Variants in ZNF177 observed in about 807,000 individuals in gnomAD.
ZNF177 encodes the protein zinc finger protein 177.
In ZNF177, 17 loss-of-function variants were observed where a neutral mutation model predicts 19.4. That is an observed-to-expected ratio of 0.87 (90% CI 0.60 to 1.31). The LOEUF (loss-of-function observed/expected upper bound fraction) is 1.31. Ranked by LOEUF, ZNF177 falls within the 40% of genes most tolerant of loss-of-function variation. The pLI, the probability that ZNF177 is intolerant of heterozygous loss-of-function variation, is 0.00. For missense variants in ZNF177, 633 were observed against 561.8 expected, an observed-to-expected ratio of 1.13 and a Z score of -1.28; for synonymous variants, 220 against 188.7, an observed-to-expected ratio of 1.17 and a Z score of -1.36.
chr19:9,372,540 C>CTTTTTTTTTTTTT (rs61321271), upstream of ZNF177, among the ~76,000 whole-genome samples: 3 of 84,578 alleles, frequency 3.5e-5, no homozygotes, highest in Admixed American at 1.5e-4. Context: ...CTTTCTTTTC[C>CTTTTTTTTTTTTT]TTTTTTTTTT....
exon 5 of ZNF177, chr19:9,380,073 T>C: frequency 6.2e-7 from 1 of 1,611,694 alleles, no homozygotes; most frequent in East Asian, 2.2e-5. Context: ...AAACTCAACT[T>C]AAACCAAAAG....
intron 3 of ZNF177, chr19:9,379,302 T>C: frequency 9.3e-7 from 1 of 1,075,364 alleles, no homozygotes; most frequent in Non-Finnish European, 1.3e-6. Flanking sequence ...GCAATCTGTG[T>C]CTCATCTTGT....
upstream of ZNF177, among the ~76,000 whole-genome samples, chr19:9,374,838 T>G (rs536389163): frequency 3.1e-4 from 47 of 152,278 alleles, no homozygotes; most frequent in African/African-American, 1.1e-3. Flanking sequence ...AGACGCCTTT[T>G]GTTTTCTTGC....
exon 6 of ZNF177, chr19:9,380,693 C>T: frequency 6.5e-7 from 1 of 1,535,858 alleles, no homozygotes. Context: ...GGTGAGCACT[C>T]CCTGGAGTGT....
chr19:9,369,342 G>A (rs2068019079), intron 2 of ZNF177, among the ~76,000 whole-genome samples: 1 of 151,834 alleles, frequency 6.6e-6, no homozygotes, highest in Non-Finnish European at 1.5e-5. Context: ...CTTCCTAATT[G>A]GTACTTTACA....
chr19:9,367,332 A>G (rs781704034), intron 2 of ZNF177, among the ~76,000 whole-genome samples: 61 of 152,204 alleles, frequency 4.0e-4, no homozygotes, highest in Non-Finnish European at 6.8e-4. Context: ...ATAAAAATAA[A>G]AATAAATAAG....
chr19:9,377,354 T>C (rs372415526), intron 1 of ZNF177, among the ~76,000 whole-genome samples: 1 of 152,174 alleles, frequency 6.6e-6, no homozygotes, highest in Admixed American at 6.5e-5. Context: ...TATTTTAGAA[T>C]GTATTCCTTC....
Position 9,379,392 on chromosome 19 carries a change from ATTG to A in ZNF177, c.161-132_161-130del, listed in dbSNP as rs1279302173. 8 of 1,279,832 alleles carry A rather than the reference ATTG, an allele frequency of 6.3e-6. No individual in the cohort carries two copies. In the African/African-American group the frequency reaches 9.0e-5, roughly 14 times the overall value. 79.3% of individuals were successfully genotyped at this position (1,279,832 alleles called of 1,614,324 possible). A position where few individuals can be genotyped will look rare whatever the true frequency, so the allele number is the denominator to read the frequency against. ...TTGTGAAAGAAAGAGCTCGGCTCTG[ATTG>A]TTTTGTTGTTCCTAAAGCTGCACTT... is the stretch of plus-strand genomic sequence containing the variant. On this transcript the variant is annotated intron_variant, in intron 3 of 5. Transcript: ENST00000589262.
At chr19:9,380,286 T>G (rs944697231) in intron 5 of ZNF177, 147 bp downstream of exon 7, 3 of 1,083,474 alleles carry the variant, frequency 2.8e-6, no homozygotes. Flanking sequence ...TGGAGTTTGA[T>G]TTTCATGAAA....
chr19:9,378,255 C>T lies in ZNF177; in HGVS notation c.-53-4C>T. The T allele has an allele frequency of 1.9e-6, 3 of 1,609,668 alleles. No individual in the cohort carries two copies. Among genetic ancestry groups the T allele is most frequent in the Non-Finnish European group, 2.5e-6 (3 of 1,178,076 alleles). The stretch of plus-strand genomic sequence containing the variant: ...ACTCTAATGGCTTCTGTGTTCTCCT[C>T]TAGCTCTGCCTGCTTAGGACTCTGC... On this transcript the variant is annotated splice_polypyrimidine_tract_variant and splice_region_variant and intron_variant, in intron 1 of 5. Coordinates refer to ENST00000589262, the Ensembl canonical transcript of ZNF177.
At chr19:9,377,945 C>T (rs879752300) in intron 1 of ZNF177, among the ~76,000 whole-genome samples, 1 of 152,138 alleles carries the variant, frequency 6.6e-6, no homozygotes, top group Admixed American at 6.5e-5. Flanking sequence ...AGCTATTTCT[C>T]CAGTGAGTCC....
intron 1 of ZNF177, among the ~76,000 whole-genome samples, chr19:9,364,085 A>C (rs2067944418): frequency 6.6e-6 from 1 of 152,212 alleles, no homozygotes; most frequent in Non-Finnish European, 1.5e-5. Flanking sequence ...ACTACAATCT[A>C]ACTCTAGAAC....
At chr19:9,379,882 C>A (rs548485853) in intron 4 of ZNF177, among the ~76,000 whole-genome samples, 175 bp from the exon 7 acceptor site, 1 of 152,050 alleles carries the variant, frequency 6.6e-6, no homozygotes, top group East Asian at 1.9e-4. Context: ...AACTAAAATA[C>A]CTCCCATTTC....
chr19:9,379,557 C>G lies in ZNF177; in HGVS notation c.191C>G (p.Ser64Cys), dbSNP rs79356517. Residue 64 changes from serine (S) to cysteine (C), a missense_variant, in exon 4 of 6, where the codon TCC (serine) becomes TGC (cysteine). Ser to Cys is a moderately radical substitution (Grantham distance 112). Transcript: ENST00000589262. ...CAGCTCTGCAGACACAGTCTGATCT[C>G]CAAGGTGGATCAAGAACAGCTGAAG... 288 of 1,613,916 alleles carry G rather than the reference C, an allele frequency of 1.8e-4. 1 individual carries two copies. The African/African-American group carries it at 3.1e-3, about 17-fold the overall frequency.
intron 2 of ZNF177, among the ~76,000 whole-genome samples, chr19:9,369,635 C>T (rs2068023098): frequency 6.7e-6 from 1 of 148,932 alleles, no homozygotes; most frequent in South Asian, 2.1e-4. Flanking sequence ...TTACATTTTA[C>T]ATTGTGCTTT....
chr19:9,375,387 T>C (rs892724747), upstream of ZNF177, among the ~76,000 whole-genome samples: 2 of 152,172 alleles, frequency 1.3e-5, no homozygotes, highest in Non-Finnish European at 2.9e-5. Context: ...GGGCTCCTTT[T>C]CCATTTTTTT....
intron 2 of ZNF177, among the ~76,000 whole-genome samples, chr19:9,366,051 C>T (rs542768743): frequency 3.3e-4 from 50 of 152,254 alleles, no homozygotes; most frequent in African/African-American, 1.1e-3. Context: ...GGCGCAATCT[C>T]GGCTCACTGC....
downstream of ZNF177, chr19:9,382,317 A>AT (rs1411254876): frequency 2.5e-6 from 1 of 398,756 alleles, no homozygotes; most frequent in Non-Finnish European, 4.4e-6. Flanking sequence ...AGCTCATGGA[A>AT]ATGGGAATAT....
intron 1 of ZNF177, 186 bp downstream of exon 1, chr19:9,363,270 G>C (rs913932623): frequency 6.6e-6 from 1 of 152,294 alleles, no homozygotes; most frequent in Admixed American, 6.5e-5. Context: ...CTGCCATTCC[G>C]GGCATTGGTT....
Sources: allele counts gnomAD v4.1 joint callset (sites outside exome capture counted in the v4.1 genomes callset), GRCh38; gene constraint gnomAD v4.1.1; transcripts MANE v1.5; gene names NCBI Gene and HGNC (gene_info 2026-07-23, HGNC 2026-07-21).